NLRP14: variants seen among roughly 807,000 people sequenced by gnomAD.
The protein encoded by NLRP14 is NACHT, LRR and PYD domains-containing protein 14.
Under a neutral mutation model 94.7 loss-of-function variants are expected in NLRP14, and 105 were observed. The ratio of observed to expected loss-of-function variants is 1.11; its 90% confidence interval spans 0.95 to 1.30. The LOEUF (loss-of-function observed/expected upper bound fraction) is 1.30, where lower values mean the gene tolerates loss of function less well. NLRP14 is among the 50% of genes most tolerant of loss of function. The probability of loss-of-function intolerance (pLI) is 0.00; values close to 1 mark genes in which losing one functional copy is unlikely to be tolerated. For missense variants in NLRP14, 1,362 were observed against 1,254.1 expected (o/e 1.09, Z -1.30); for synonymous variants, 508 against 459.9 (o/e 1.10, Z -1.34).
intron 1 of NLRP14, among the ~76,000 whole-genome samples, chr11:7,036,359 G>A (rs985894458): frequency 1.3e-5 from 2 of 152,142 alleles, no homozygotes; most frequent in East Asian, 3.8e-4. Flanking sequence ...GGAGACTATA[G>A]TATATTCTAC....
intron 5 of NLRP14, among the ~76,000 whole-genome samples, chr11:7,048,401 G>C (rs1852391308): frequency 6.6e-6 from 1 of 152,072 alleles, no homozygotes; most frequent in Admixed American, 6.5e-5. Flanking sequence ...CCTAATCTCT[G>C]TATTTTGTGC....
Position 7,043,335 on chromosome 11 carries a change from A to G in NLRP14, c.1309A>G (p.Thr437Ala). The change falls in exon 4 of 12, where the codon ACT (threonine) becomes GCT (alanine). Residue 437 changes from threonine to alanine, a missense_variant. Thr to Ala is a moderately conservative substitution (Grantham distance 58). Coordinates refer to ENST00000299481, the MANE Select transcript of NLRP14 (RefSeq NM_176822.4). ...LCQVAAKGIW[T>A]MTYVFYRENL... ...CCAAGTCGCTGCCAAAGGAATATGG[A>G]CTATGACTTACGTGTTTTACAGAGA... The G allele has an allele frequency of 6.2e-7, 1 of 1,614,190 alleles. No individual in the cohort carries two copies. Among genetic ancestry groups the G allele is most frequent in the Non-Finnish European group, 8.5e-7 (1 of 1,180,036 alleles).
At chr11:7,073,994 A>C (rs1257676962), downstream of NLRP14, among the ~76,000 whole-genome samples, 1 of 152,110 alleles carries the variant, frequency 6.6e-6, no homozygotes, top group Admixed American at 6.6e-5. Context: ...CCAACCCTTT[A>C]ATCACATGGT....
At chr11:7,080,639 G>A in the NLRP14 span, among the ~76,000 whole-genome samples, 1 of 152,092 alleles carries the variant, frequency 6.6e-6, no homozygotes, top group African/African-American at 2.4e-5. Context: ...CACTCCACAA[G>A]TCAGTCAATA....
rs754759271 is a variant in NLRP14 at position 7,043,857 on chromosome 11, G to A, written c.1831G>A (p.Glu611Lys). 3 of 1,614,182 alleles carry A rather than the reference G, an allele frequency of 1.9e-6. No homozygotes were observed. The highest frequency in any genetic ancestry group is 1.7e-6 in the Non-Finnish European group (2 of 1,180,018). ...CCCAAAGGTTGCCATTAATATTTGTGAGAAAATACATTTGCTTGTATCTTC... is the reference window on the plus strand; with the variant it reads ...CCCAAAGGTTGCCATTAATATTTGTAAGAAAATACATTTGCTTGTATCTTC... ...CFPKVAINIC[E>K]KIHLLVSSFC... The change falls in exon 4 of 12, where the codon GAG (glutamate) becomes AAG (lysine). Residue 611 changes from glutamate to lysine, a missense_variant. Coordinates refer to ENST00000299481, the MANE Select transcript of NLRP14 (RefSeq NM_176822.4).
In NLRP14 at chr11:7,059,952, CACA is replaced by C. The variant is rs761159271; in HGVS notation, c.2697_2699del (p.Asn899del). On this transcript the variant is annotated inframe_deletion, in exon 9 of 12. Coordinates refer to ENST00000299481, the MANE Select transcript of NLRP14 (RefSeq NM_176822.4). ...TGAATATCTGTCAACTTCTCTTCTA[CACA>C]ACAAGAGCCTGACGCATCTGGATCT... 2.7e-5 allele frequency: 43 copies of C among 1,612,412 alleles called. No individual in the cohort carries two copies. The highest frequency in any genetic ancestry group is 2.5e-5 in the Non-Finnish European group (29 of 1,178,750).
At chr11:7,064,402 C>T (rs1416980551) in intron 10 of NLRP14, among the ~76,000 whole-genome samples, 1 of 152,064 alleles carries the variant, frequency 6.6e-6, no homozygotes, top group African/African-American at 2.4e-5. Flanking sequence ...TTAGACTCCA[C>T]AGACCACATA....
Position 7,071,320 on chromosome 11 carries a change from T to G in NLRP14, c.*12T>G. On this transcript the variant is annotated 3_prime_UTR_variant, in exon 12 of 12. Coordinates refer to ENST00000299481, the MANE Select transcript of NLRP14 (RefSeq NM_176822.4). The stretch of plus-strand genomic sequence containing the variant: ...GGTGGTGTTTCTGATTTGAAGAAAC[T>G]GACATTCCTTTAAAAATATAAATAT... The G allele has an allele frequency of 1.2e-6, 2 of 1,604,526 alleles. No homozygotes were observed. Among genetic ancestry groups the G allele is most frequent in the Non-Finnish European group, 1.7e-6 (2 of 1,171,912 alleles).
rs143266232 is a variant in NLRP14 at position 7,042,599 on chromosome 11, C to T, written c.573C>T (p.Thr191=). The part of the protein sequence containing the change: ...LQGAAGVGKT[T]LVRKAMLDWA... ...GAGCTGCTGGAGTTGGGAAAACAACCTTGGTGAGAAAGGCAATGTTAGATT... is the reference window on the plus strand; with the variant it reads ...GAGCTGCTGGAGTTGGGAAAACAACTTTGGTGAGAAAGGCAATGTTAGATT... Residue 191 remains threonine (T), a synonymous_variant, in exon 4 of 12, where the codon ACC becomes ACT. Coordinates refer to ENST00000299481, the MANE Select transcript of NLRP14 (RefSeq NM_176822.4). 74 of 1,614,222 alleles carry T rather than the reference C, an allele frequency of 4.6e-5. No individual in the cohort carries two copies. In the East Asian group the frequency reaches 1.1e-3, roughly 25 times the overall value.
At chr11:7,055,975 C>T (rs1589868169) in intron 6 of NLRP14, among the ~76,000 whole-genome samples, 2 of 151,982 alleles carry the variant, frequency 1.3e-5, no homozygotes, top group South Asian at 4.1e-4. Flanking sequence ...TCCTGTTTTG[C>T]TGGCTTACAT....
intron 6 of NLRP14, among the ~76,000 whole-genome samples, chr11:7,055,134 G>A (rs1852499608): frequency 6.6e-6 from 1 of 152,014 alleles, no homozygotes; most frequent in African/African-American, 2.4e-5. Flanking sequence ...GTTTATCCCT[G>A]CATGTTGTAT....
At chr11:7,045,320 A>G (rs1032387547) in intron 4 of NLRP14, among the ~76,000 whole-genome samples, 7 of 152,202 alleles carry the variant, frequency 4.6e-5, no homozygotes, top group Non-Finnish European at 1.0e-4. Flanking sequence ...CTAATAGTAA[A>G]TGCTAGAACA....
chr11:7,028,579 C>T (rs1389722623), intron 1 of NLRP14, among the ~76,000 whole-genome samples: 1 of 152,158 alleles, frequency 6.6e-6, no homozygotes, highest in Non-Finnish European at 1.5e-5. Context: ...CAGCTGGCTT[C>T]CTAGTTTACT....
At chr11:7,047,248 T>C (rs2119637371) in intron 5 of NLRP14, among the ~76,000 whole-genome samples, 1 of 152,312 alleles carries the variant, frequency 6.6e-6, no homozygotes, top group South Asian at 2.1e-4. Flanking sequence ...AACATCTTTA[T>C]AACCAACACA....
chr11:7,072,510 T>C (rs11041158), downstream of NLRP14, among the ~76,000 whole-genome samples: 15,583 of 152,272 alleles, frequency 0.1, 811 homozygotes, highest in Admixed American at 0.16. Context: ...CTCTTGATCC[T>C]TGGTTTGAGA....
the NLRP14 span, among the ~76,000 whole-genome samples, chr11:7,087,519 C>T: frequency 1.3e-5 from 2 of 152,194 alleles, no homozygotes; most frequent in African/African-American, 2.4e-5. Flanking sequence ...CACAAGTGAA[C>T]CCTCTGGAGT....
At chr11:7,038,506 G>A in intron 1 of NLRP14, 60 bp from the exon 2 acceptor site, 1 of 1,342,826 alleles carries the variant, frequency 7.4e-7, no homozygotes, top group South Asian at 1.2e-5. Flanking sequence ...TTTCAAATCT[G>A]TCTTTTTCAT....
the NLRP14 span, chr11:7,090,695 A>G: frequency 1.4e-5 from 4 of 291,780 alleles, no homozygotes; most frequent in African/African-American, 4.5e-5. Context: ...CATTTAAACC[A>G]ACTAGATTTT....
intron 10 of NLRP14, among the ~76,000 whole-genome samples, chr11:7,066,153 G>A (rs920210587): frequency 6.6e-6 from 1 of 152,132 alleles, no homozygotes. Flanking sequence ...ATTGCAAATG[G>A]TGCTGCAATA....
Sources: gnomAD v4.1 joint callset for allele counts (sites outside exome capture counted in the v4.1 genomes callset) on GRCh38, gnomAD v4.1.1 for gene constraint, MANE v1.5 for transcripts, NCBI Gene and HGNC (gene_info 2026-07-23, HGNC 2026-07-21) for gene names.